The following DPP10 variants were observed in gnomAD, a reference collection of about 807,000 sequenced individuals.
The protein encoded by DPP10 is inactive dipeptidyl peptidase 10.
Under a neutral mutation model 120.9 loss-of-function variants are expected in DPP10, and 33 were observed. The ratio of observed to expected loss-of-function variants is 0.27; its 90% CI spans 0.21 to 0.37. The LOEUF (loss-of-function observed/expected upper bound fraction) is 0.37, where lower values mean the gene tolerates loss of function less well. Ranked by LOEUF, DPP10 falls within the 10% of genes least tolerant of loss-of-function variation. The pLI is 1.00. For synonymous variants in DPP10, 337 were observed against 326.1 expected (o/e 1.03, Z -0.36); for missense variants, 816 against 942.8 (o/e 0.87, Z 1.76).
intron 3 of DPP10, among the ~76,000 whole-genome samples, chr2:115,490,693 G>C (rs1027353661): frequency 6.6e-6 from 1 of 151,994 alleles, no homozygotes; most frequent in African/African-American, 2.4e-5. Flanking sequence ...ATTTATATAT[G>C]TGTAAATGTA....
At chr2:115,657,639 T>C (rs922715570) in intron 5 of DPP10, among the ~76,000 whole-genome samples, 16 of 151,680 alleles carry the variant, frequency 1.1e-4, no homozygotes, top group Admixed American at 6.6e-4. Context: ...ATAATGTGAG[T>C]GTGTGTAGAA....
intron 1 of DPP10, among the ~76,000 whole-genome samples, chr2:114,465,999 C>A (rs974605476): frequency 2.6e-5 from 4 of 152,176 alleles, no homozygotes; most frequent in African/African-American, 9.7e-5. Context: ...TTCCCCCCAC[C>A]CCTACCTGCC....
intron 1 of DPP10, among the ~76,000 whole-genome samples, chr2:114,782,283 C>T (rs1026113029): frequency 1.3e-5 from 2 of 151,774 alleles, no homozygotes; most frequent in Admixed American, 1.3e-4. Flanking sequence ...ATGAAGGACA[C>T]ACAGTTAAGA....
chr2:114,445,004 TA>T (rs953750993), intron 1 of DPP10, among the ~76,000 whole-genome samples: 1 of 152,164 alleles, frequency 6.6e-6, no homozygotes, highest in East Asian at 1.9e-4. Context: ...GAATTTATAC[TA>T]AAAATGGCTA....
intron 1 of DPP10, among the ~76,000 whole-genome samples, chr2:114,899,238 A>C (rs1199265515): frequency 1.3e-5 from 2 of 152,064 alleles, no homozygotes; most frequent in Admixed American, 6.6e-5. Flanking sequence ...TCTATTTTCT[A>C]GAGGCAGCTA....
chr2:115,664,175 A>G (rs1440385190), intron 5 of DPP10, among the ~76,000 whole-genome samples: 3 of 151,980 alleles, frequency 2.0e-5, no homozygotes, highest in Admixed American at 6.6e-5. Context: ...AGACTTTGGA[A>G]ATAATTGGAA....
chr2:115,801,154 C>T (rs1176224554), intron 19 of DPP10, among the ~76,000 whole-genome samples: 1 of 151,300 alleles, frequency 6.6e-6, no homozygotes, highest in African/African-American at 2.4e-5. Flanking sequence ...CCTTCACATC[C>T]CTTGTAAGTT....
chr2:115,068,012 A>G (rs1330000667), intron 1 of DPP10, among the ~76,000 whole-genome samples: 1 of 151,942 alleles, frequency 6.6e-6, no homozygotes, highest in African/African-American at 2.4e-5. Context: ...GCCATTGTGA[A>G]TAATGCTGCA....
At chr2:114,813,101 T>C (rs1224852410) in intron 1 of DPP10, among the ~76,000 whole-genome samples, 1 of 152,226 alleles carries the variant, frequency 6.6e-6, no homozygotes, top group African/African-American at 2.4e-5. Flanking sequence ...ACATTTATCA[T>C]AATAACAATT....
At chr2:115,530,184 C>G (rs536761819) in intron 5 of DPP10, among the ~76,000 whole-genome samples, 3 of 151,562 alleles carry the variant, frequency 2.0e-5, no homozygotes, top group Non-Finnish European at 4.4e-5. Flanking sequence ...TTTATTTATT[C>G]ATTTTATTTA....
chr2:115,248,878 G>A (rs1034703314), intron 1 of DPP10, among the ~76,000 whole-genome samples: 112 of 152,142 alleles, frequency 7.4e-4, no homozygotes, highest in African/African-American at 2.6e-3. Context: ...CCAAAGACCA[G>A]GAGAAAATCA....
intron 2 of DPP10, among the ~76,000 whole-genome samples, chr2:115,334,302 G>C (rs1045454079): frequency 1.5e-5 from 2 of 132,356 alleles, no homozygotes; most frequent in African/African-American, 5.6e-5. Context: ...AAAGGCAAAA[G>C]AAAGATATAT....
At chr2:115,800,426 A>G (rs1461205812) in intron 19 of DPP10, among the ~76,000 whole-genome samples, 2,355 of 150,112 alleles carry the variant, frequency 0.016, 40 homozygotes, top group African/African-American at 0.053. Context: ...CTGTGCAGAA[A>G]CTCTTTAGTT....
intron 1 of DPP10, among the ~76,000 whole-genome samples, chr2:115,150,788 A>C (rs2051497636): frequency 6.6e-6 from 1 of 152,254 alleles, no homozygotes; most frequent in Non-Finnish European, 1.5e-5. Context: ...TAAAATACAT[A>C]CTGGATATTG....
chr2:115,485,482 A>T (rs1002309411), intron 3 of DPP10, among the ~76,000 whole-genome samples: 9 of 152,076 alleles, frequency 5.9e-5, no homozygotes, highest in Non-Finnish European at 1.0e-4. Flanking sequence ...TAAGTATGTG[A>T]ATTTTAATTA....
chr2:115,370,670 A>G (rs560990278), intron 3 of DPP10, among the ~76,000 whole-genome samples: 3 of 152,160 alleles, frequency 2.0e-5, no homozygotes, highest in African/African-American at 7.2e-5. Context: ...TGCCTATTTT[A>G]CTGTCTATTT....
intron 3 of DPP10, among the ~76,000 whole-genome samples, chr2:115,403,893 A>G (rs1434411308): frequency 6.6e-6 from 1 of 152,242 alleles, no homozygotes; most frequent in East Asian, 1.9e-4. Flanking sequence ...TGAATGCACT[A>G]GAGTTGCAAC....
intron 4 of DPP10, among the ~76,000 whole-genome samples, chr2:115,519,791 CTCCACTTATGG>C (rs1413056913): frequency 1.3e-5 from 2 of 152,122 alleles, no homozygotes; most frequent in Non-Finnish European, 2.9e-5. Context: ...CCCTCTTCTC[CTCCACTTATGG>C]TCCACTGGCT....
chr2:115,453,407 T>A (rs905736702), intron 3 of DPP10, among the ~76,000 whole-genome samples: 7 of 151,650 alleles, frequency 4.6e-5, no homozygotes, highest in Non-Finnish European at 8.9e-5. Flanking sequence ...TTGCAAAGTC[T>A]ATGTCACTGA....
Sources: allele counts gnomAD v4.1 joint callset (sites outside exome capture counted in the v4.1 genomes callset), GRCh38; gene constraint gnomAD v4.1.1; transcripts MANE v1.5; gene names NCBI Gene and HGNC (gene_info 2026-07-23, HGNC 2026-07-21).